The following LRRTM4 variants were observed in gnomAD, a reference collection of about 807,000 sequenced individuals.
The protein encoded by LRRTM4 is leucine rich repeat transmembrane neuronal 4.
In LRRTM4, 25 loss-of-function variants were observed where a neutral mutation model predicts 47.6. The ratio of observed to expected loss-of-function variants is 0.53; its 90% CI spans 0.38 to 0.73. The LOEUF (loss-of-function observed/expected upper bound fraction) is 0.73, where lower values mean the gene tolerates loss of function less well. Ranked by LOEUF, LRRTM4 falls within the 30% of genes least tolerant of loss-of-function variation. The pLI is 0.00. For synonymous variants in LRRTM4, 311 were observed against 269.5 expected, an observed-to-expected ratio of 1.15 and a Z score of -1.51; for missense variants, 638 against 713.4, an observed-to-expected ratio of 0.89 and a Z score of 1.20.
intron 3 of LRRTM4, among the ~76,000 whole-genome samples, chr2:77,065,919 G>A (rs1241736342): frequency 6.6e-6 from 1 of 152,088 alleles, no homozygotes; most frequent in East Asian, 1.9e-4. Context: ...TGCAATACTT[G>A]CTACAGCACC....
intron 3 of LRRTM4, among the ~76,000 whole-genome samples, chr2:77,164,605 C>A (rs1159963764): frequency 6.6e-6 from 1 of 152,152 alleles, no homozygotes; most frequent in Admixed American, 6.5e-5. Flanking sequence ...GAAATTATAA[C>A]AAACTGTCTC....
At chr2:77,500,563 A>G (rs564584271) in intron 3 of LRRTM4, among the ~76,000 whole-genome samples, 4 of 151,714 alleles carry the variant, frequency 2.6e-5, no homozygotes, top group Non-Finnish European at 4.4e-5. Context: ...TTAAAAATAA[A>G]TTTTCTCCTG....
intron 3 of LRRTM4, among the ~76,000 whole-genome samples, chr2:76,807,457 T>TACATATATATATACATATATATATATAC (rs1670547283): frequency 2.1e-5 from 2 of 94,212 alleles, no homozygotes; most frequent in Non-Finnish European, 4.0e-5. Context: ...TATATATATA[T>TACATATATATATACATATATATATATAC]ACATATATAT....
chr2:76,971,697 T>C (rs1676225607), intron 3 of LRRTM4, among the ~76,000 whole-genome samples: 1 of 152,084 alleles, frequency 6.6e-6, no homozygotes, highest in African/African-American at 2.4e-5. Context: ...AGCATTTAAC[T>C]GTATTAATTG....
intron 3 of LRRTM4, among the ~76,000 whole-genome samples, chr2:77,090,167 C>T (rs545855171): frequency 1.1e-4 from 16 of 152,268 alleles, no homozygotes; most frequent in Non-Finnish European, 1.5e-4. Flanking sequence ...CTTACAGTTT[C>T]GTTCCGTGAC....
chr2:77,161,756 A>T (rs1449492403), intron 3 of LRRTM4, among the ~76,000 whole-genome samples: 2 of 151,414 alleles, frequency 1.3e-5, no homozygotes, highest in East Asian at 1.9e-4. Flanking sequence ...TAAACTCTTA[A>T]TTTTTTTTTC....
intron 3 of LRRTM4, among the ~76,000 whole-genome samples, chr2:77,087,105 T>G (rs1572944821): frequency 6.6e-6 from 1 of 152,318 alleles, no homozygotes; most frequent in East Asian, 1.9e-4. Flanking sequence ...GCTGCTGATC[T>G]TATGAAGCAA....
intron 3 of LRRTM4, among the ~76,000 whole-genome samples, chr2:76,786,245 C>T (rs1265877010): frequency 6.6e-6 from 1 of 152,016 alleles, no homozygotes; most frequent in Non-Finnish European, 1.5e-5. Flanking sequence ...ATAAGGCACA[C>T]TTACAGCAAT....
At chr2:76,754,233 A>G (rs1672949593) in intron 3 of LRRTM4, among the ~76,000 whole-genome samples, 1 of 152,206 alleles carries the variant, frequency 6.6e-6, no homozygotes, top group African/African-American at 2.4e-5. Context: ...AGCTAAATGA[A>G]TATATAACTT....
chr2:77,367,459 T>C (rs756864107), intron 3 of LRRTM4, among the ~76,000 whole-genome samples: 1 of 151,832 alleles, frequency 6.6e-6, no homozygotes, highest in Non-Finnish European at 1.5e-5. Flanking sequence ...AGAGTACTTG[T>C]GTACAAAGCA....
chr2:77,050,542 T>C (rs914867851), intron 3 of LRRTM4, among the ~76,000 whole-genome samples: 3 of 152,160 alleles, frequency 2.0e-5, no homozygotes, highest in Non-Finnish European at 4.4e-5. Context: ...AAAGATAAGA[T>C]ATCATTATGA....
At chr2:76,834,042 ATTTATTTAT>A (rs1671438106) in intron 3 of LRRTM4, among the ~76,000 whole-genome samples, 1 of 148,836 alleles carries the variant, frequency 6.7e-6, no homozygotes, top group East Asian at 2.0e-4. Context: ...TTATTTATTT[ATTTATTTAT>A]TTATTTTGAG....
chr2:76,865,554 A>T (rs1672440944), intron 3 of LRRTM4, among the ~76,000 whole-genome samples: 2 of 152,134 alleles, frequency 1.3e-5, no homozygotes, highest in Admixed American at 1.3e-4. Context: ...CCTAATTTGG[A>T]GACATTTGTT....
At chr2:77,344,547 G>A (rs1298520576) in intron 3 of LRRTM4, among the ~76,000 whole-genome samples, 3 of 151,634 alleles carry the variant, frequency 2.0e-5, no homozygotes, top group South Asian at 2.1e-4. Context: ...CAAGCCTTAC[G>A]AACCTTTAGG....
intron 3 of LRRTM4, among the ~76,000 whole-genome samples, chr2:76,891,617 G>A (rs914255847): frequency 1.3e-5 from 2 of 151,468 alleles, no homozygotes; most frequent in African/African-American, 4.8e-5. Flanking sequence ...TCAAATCACT[G>A]GGGAAAATAC....
intron 3 of LRRTM4, among the ~76,000 whole-genome samples, chr2:77,350,824 A>C (rs73941225): frequency 1.6e-3 from 240 of 152,324 alleles, no homozygotes; most frequent in African/African-American, 5.5e-3. Flanking sequence ...ACTCACCAGT[A>C]CTCAGAAATA....
At chr2:77,011,464 T>G (rs1219782943) in intron 3 of LRRTM4, among the ~76,000 whole-genome samples, 3 of 152,032 alleles carry the variant, frequency 2.0e-5, no homozygotes, top group Non-Finnish European at 4.4e-5. Flanking sequence ...AGATTTTAAC[T>G]GCATGCTTAT....
At chr2:76,854,831 A>T (rs1017156650) in intron 3 of LRRTM4, among the ~76,000 whole-genome samples, 1 of 150,248 alleles carries the variant, frequency 6.7e-6, no homozygotes, top group African/African-American at 2.5e-5. Context: ...TTTTTCACAG[A>T]GCTAAAATTC....
At chr2:77,166,670 A>C (rs1672895589) in intron 3 of LRRTM4, among the ~76,000 whole-genome samples, 1 of 152,192 alleles carries the variant, frequency 6.6e-6, no homozygotes. Context: ...CAACCATCTG[A>C]TCTTTGACAA....
Sources: allele counts gnomAD v4.1 joint callset (sites outside exome capture counted in the v4.1 genomes callset), GRCh38; gene constraint gnomAD v4.1.1; transcripts MANE v1.5; gene names NCBI Gene and HGNC (gene_info 2026-07-23, HGNC 2026-07-21).